The following MED12L variants were observed in gnomAD, a reference collection of about 807,000 sequenced individuals.
The protein encoded by MED12L is mediator complex subunit 12L, also known as mediator of RNA polymerase II transcription subunit 12-like protein.
MED12L carries 60 observed loss-of-function variants against 281.3 expected under a neutral mutation model. The ratio of observed to expected loss-of-function variants is 0.21; its 90% CI spans 0.17 to 0.26. MED12L has a LOEUF of 0.26. Among genes scored for constraint, MED12L ranks in the 10% least tolerant of loss-of-function variants. The pLI is 1.00. For synonymous variants in MED12L, 974 were observed against 987.2 expected (o/e 0.99, Z 0.25); for missense variants, 2,146 against 2,680.9 (o/e 0.80, Z 4.41).
At chr3:151,372,340 A>G (rs1191560519) in intron 26 of MED12L, among the ~76,000 whole-genome samples, 3 of 152,208 alleles carry the variant, frequency 2.0e-5, no homozygotes, top group African/African-American at 4.8e-5. Flanking sequence ...TACAAACAAA[A>G]TAAGGACCGA....
chr3:151,134,478 C>G (rs1715857492), intron 5 of MED12L, among the ~76,000 whole-genome samples: 1 of 152,226 alleles, frequency 6.6e-6, no homozygotes, highest in Non-Finnish European at 1.5e-5. Context: ...CTGGACACCA[C>G]TGGTCAGTGA....
At chr3:151,225,049 T>A (rs1458048669) in intron 16 of MED12L, among the ~76,000 whole-genome samples, 1 of 152,222 alleles carries the variant, frequency 6.6e-6, no homozygotes, top group Admixed American at 6.5e-5. Context: ...GCCTCCTAGC[T>A]TTTCTTACCC....
chr3:151,436,611 A>C lies in MED12L; in HGVS notation c.*3807A>C. 1 of 958,068 alleles carries C rather than the reference A, an allele frequency of 1.0e-6. No homozygotes were observed. The highest frequency in any genetic ancestry group is 1.6e-6 in the Non-Finnish European group (1 of 629,996). 59.3% of individuals were successfully genotyped at this position (958,068 alleles called of 1,614,324 possible). On this transcript the variant is annotated 3_prime_UTR_variant, in exon 45 of 45. Transcript: ENST00000687756. Reference sequence around the variant, plus strand: ...TGTAAATGTATTCAAATTCATTTACATGCCTATGGCTGCCTTTGATTAAAC... The same window carrying C: ...TGTAAATGTATTCAAATTCATTTACCTGCCTATGGCTGCCTTTGATTAAAC...
chr3:151,156,095 A>C, intron 5 of MED12L, 66 bp from the exon 6 acceptor site: 1 of 1,345,972 alleles, frequency 7.4e-7, no homozygotes, highest in Non-Finnish European at 1.0e-6. Flanking sequence ...AGAATGGGGA[A>C]GAAAACATGT....
intron 12 of MED12L, among the ~76,000 whole-genome samples, chr3:151,186,705 G>A (rs564532781): frequency 2.0e-5 from 3 of 152,230 alleles, no homozygotes; most frequent in East Asian, 3.9e-4. Context: ...CCATCACCAC[G>A]TGATCAAAGT....
intron 16 of MED12L, among the ~76,000 whole-genome samples, chr3:151,284,319 C>G (rs1743186137): frequency 6.6e-6 from 1 of 151,662 alleles, no homozygotes; most frequent in African/African-American, 2.4e-5. Context: ...ATAAGCCGCA[C>G]CTGACATTAT....
intron 5 of MED12L, among the ~76,000 whole-genome samples, chr3:151,132,640 A>G (rs1010695077): frequency 6.6e-6 from 1 of 152,176 alleles, no homozygotes; most frequent in Non-Finnish European, 1.5e-5. Context: ...ACCCTTTGTA[A>G]TTAGTAATTT....
At chr3:151,262,764 T>TA (rs35204062) in intron 16 of MED12L, among the ~76,000 whole-genome samples, 67,796 of 151,946 alleles carry the variant, frequency 0.45, 15,365 homozygotes, top group Middle Eastern at 0.65. Context: ...ACCTAAGACT[T>TA]ACTGAGTTTT....
At chr3:151,386,156 A>G (rs1364822041) in intron 36 of MED12L, among the ~76,000 whole-genome samples, 1 of 152,356 alleles carries the variant, frequency 6.6e-6, no homozygotes, top group Middle Eastern at 3.4e-3. Flanking sequence ...CAGATTTACC[A>G]GGGAATTTAG....
intron 16 of MED12L, chr3:151,214,008 G>T (rs916559873): frequency 6.2e-7 from 1 of 1,613,922 alleles, no homozygotes; most frequent in Admixed American, 1.7e-5. Context: ...CGTACATGTT[G>T]ACGTAGAAGA....
At chr3:151,172,484 A>G (rs1347060511) in intron 11 of MED12L, among the ~76,000 whole-genome samples, 1 of 152,246 alleles carries the variant, frequency 6.6e-6, no homozygotes, top group African/African-American at 2.4e-5. Context: ...ACAGATACCC[A>G]TCACGCAGTC....
chr3:151,218,224 C>G (rs954583343), intron 16 of MED12L, among the ~76,000 whole-genome samples: 1 of 152,194 alleles, frequency 6.6e-6, no homozygotes, highest in Non-Finnish European at 1.5e-5. Context: ...GTGTGCTCAG[C>G]AACCCTCCCT....
At chr3:151,174,972 G>A (rs1035789625) in intron 11 of MED12L, among the ~76,000 whole-genome samples, 8 of 152,148 alleles carry the variant, frequency 5.3e-5, no homozygotes, top group African/African-American at 1.9e-4. Context: ...GACCATGTCT[G>A]GGCCACCATG....
chr3:151,155,253 C>T (rs928896719), intron 5 of MED12L, among the ~76,000 whole-genome samples: 1 of 152,170 alleles, frequency 6.6e-6, no homozygotes, highest in African/African-American at 2.4e-5. Context: ...GGAAATTTGG[C>T]TGTGAGCATG....
intron 37 of MED12L, among the ~76,000 whole-genome samples, chr3:151,389,199 C>T (rs1713854910): frequency 6.6e-6 from 1 of 152,166 alleles, no homozygotes; most frequent in Non-Finnish European, 1.5e-5. Context: ...TTTGGGGTTT[C>T]CAGCCTGTCA....
chr3:151,291,162 T>TTG (rs1553770061), intron 16 of MED12L, among the ~76,000 whole-genome samples: 3 of 76,156 alleles, frequency 3.9e-5, no homozygotes, highest in African/African-American at 1.3e-4. Flanking sequence ...TTTTTTTTTT[T>TTG]TTTGTTTTTA....
At chr3:151,368,742 T>TTCATTTCATGTCATTTCATG (rs1755785519) in intron 25 of MED12L, among the ~76,000 whole-genome samples, 4 of 128,010 alleles carry the variant, frequency 3.1e-5, no homozygotes, top group East Asian at 2.4e-4. Context: ...TTCATTTCAT[T>TTCATTTCATGTCATTTCATG]TCATTTCATG....
At chr3:151,243,845 C>A (rs1422852516) in intron 16 of MED12L, among the ~76,000 whole-genome samples, 1 of 150,820 alleles carries the variant, frequency 6.6e-6, no homozygotes, top group African/African-American at 2.4e-5. Flanking sequence ...AGTCAAGACC[C>A]ATCAGTGTGC....
intron 39 of MED12L, among the ~76,000 whole-genome samples, chr3:151,408,351 A>G (rs890199453): frequency 6.6e-6 from 1 of 152,208 alleles, no homozygotes; most frequent in East Asian, 1.9e-4. Flanking sequence ...TACCTACACT[A>G]CTTTTCAAAC....
Sources: allele counts gnomAD v4.1 joint callset (sites outside exome capture counted in the v4.1 genomes callset), GRCh38; gene constraint gnomAD v4.1.1; transcripts MANE v1.5; gene names NCBI Gene and HGNC (gene_info 2026-07-23, HGNC 2026-07-21).